OLFM3: variants seen among roughly 807,000 people sequenced by gnomAD.
OLFM3 encodes olfactomedin 3, also known as noelin-3.
OLFM3 carries 20 observed loss-of-function variants against 48.6 expected under a neutral mutation model. The ratio of observed to expected loss-of-function variants is 0.41; its 90% confidence interval spans 0.29 to 0.60. OLFM3 has a LOEUF of 0.60. Ranked by LOEUF, OLFM3 falls within the 20% of genes least tolerant of loss-of-function variation. The pLI is 0.28. For missense variants in OLFM3, 437 were observed against 544.3 expected (o/e 0.80, Z 1.96); for synonymous variants, 222 against 198.1 (o/e 1.12, Z -1.01).
At chr1:101,872,223 G>A (rs367872434) in intron 1 of OLFM3, among the ~76,000 whole-genome samples, 1 of 152,030 alleles carries the variant, frequency 6.6e-6, no homozygotes, top group African/African-American at 2.4e-5. Context: ...TTGGCAACAG[G>A]GAGTTAGCAA....
At chr1:101,902,080 A>G (rs1389191095) in intron 1 of OLFM3, among the ~76,000 whole-genome samples, 2 of 152,000 alleles carry the variant, frequency 1.3e-5, no homozygotes, top group Non-Finnish European at 2.9e-5. Flanking sequence ...TGAAAGGAGG[A>G]AGGGGAAATA....
chr1:101,813,084 C>T (rs1384924427), intron 4 of OLFM3: 6 of 1,286,276 alleles, frequency 4.7e-6, no homozygotes, highest in Non-Finnish European at 5.1e-6. Flanking sequence ...TCCCAAAATA[C>T]TATTGCTTAT....
intron 1 of OLFM3, among the ~76,000 whole-genome samples, chr1:101,844,061 C>A (rs1655865739): frequency 6.6e-6 from 1 of 152,112 alleles, no homozygotes; most frequent in Non-Finnish European, 1.5e-5. Context: ...GTCAACCCTT[C>A]CATCTAAGGG....
intron 1 of OLFM3, among the ~76,000 whole-genome samples, chr1:101,859,648 CCTTT>C (rs1382013466): frequency 6.6e-6 from 1 of 152,044 alleles, no homozygotes. Flanking sequence ...GTGATCATTT[CCTTT>C]GAGTGTCATG....
intron 1 of OLFM3, among the ~76,000 whole-genome samples, chr1:101,989,910 ATAT>A (rs1382717260): frequency 2.6e-5 from 4 of 152,140 alleles, no homozygotes; most frequent in African/African-American, 7.2e-5. Flanking sequence ...TCCCTCCTTA[ATAT>A]TATTTTTGAA....
At chr1:101,813,038 A>T in intron 4 of OLFM3, 1 of 1,234,770 alleles carries the variant, frequency 8.1e-7, no homozygotes, top group Non-Finnish European at 1.0e-6. Flanking sequence ...CTGAGAATAC[A>T]AAGGTGAACA....
chr1:101,866,179 T>C (rs1410881830), intron 1 of OLFM3, among the ~76,000 whole-genome samples: 1 of 152,192 alleles, frequency 6.6e-6, no homozygotes, highest in African/African-American at 2.4e-5. Context: ...AAACACTATG[T>C]TTAGTAATAT....
intron 1 of OLFM3, among the ~76,000 whole-genome samples, chr1:101,863,364 T>C (rs989864167): frequency 6.6e-5 from 10 of 152,266 alleles, no homozygotes; most frequent in Non-Finnish European, 1.0e-4. Context: ...TGCTTTCTGC[T>C]GCACCAGCCA....
intron 1 of OLFM3, among the ~76,000 whole-genome samples, chr1:101,903,583 A>G (rs1658457418): frequency 6.6e-6 from 1 of 152,040 alleles, no homozygotes. Flanking sequence ...GTTGTATGCT[A>G]TATAGTTTTT....
chr1:101,924,177 C>T (rs11164337), intron 1 of OLFM3, among the ~76,000 whole-genome samples: 60,921 of 151,878 alleles, frequency 0.4, 12,858 homozygotes, highest in East Asian at 0.66. Context: ...TCAATTGACA[C>T]GATTCTATCA....
intron 1 of OLFM3, among the ~76,000 whole-genome samples, chr1:101,850,791 T>C (rs1358011705): frequency 6.6e-6 from 1 of 152,178 alleles, no homozygotes; most frequent in African/African-American, 2.4e-5. Flanking sequence ...AGTGTACTCA[T>C]ACTTTATTTT....
intron 1 of OLFM3, among the ~76,000 whole-genome samples, chr1:101,885,444 A>G (rs1427893818): frequency 6.6e-6 from 1 of 152,048 alleles, no homozygotes; most frequent in Non-Finnish European, 1.5e-5. Context: ...GATAAATGAA[A>G]AAGCAAAAGT....
At chr1:101,913,758 A>G (rs142908320) in intron 1 of OLFM3, among the ~76,000 whole-genome samples, 2 of 152,180 alleles carry the variant, frequency 1.3e-5, no homozygotes, top group Non-Finnish European at 2.9e-5. Context: ...TTAAGTGGCA[A>G]TAGTAAGCAA....
intron 1 of OLFM3, among the ~76,000 whole-genome samples, chr1:101,882,216 C>T (rs11811397): frequency 0.023 from 3,387 of 150,412 alleles, 147 homozygotes; most frequent in African/African-American, 0.078. Context: ...TAAGTATTGA[C>T]TATATAACAA....
At chr1:101,886,024 C>G (rs995722662) in intron 1 of OLFM3, among the ~76,000 whole-genome samples, 2 of 152,052 alleles carry the variant, frequency 1.3e-5, no homozygotes, top group African/African-American at 4.8e-5. Flanking sequence ...CAATTAATAT[C>G]TTATAATAAG....
chr1:101,956,621 T>G (rs541282555), intron 1 of OLFM3, among the ~76,000 whole-genome samples: 54 of 152,042 alleles, frequency 3.6e-4, no homozygotes, highest in African/African-American at 1.3e-3. Flanking sequence ...CTTTAAAAAT[T>G]TTGAGTCTGT....
At position 101,833,711 on chromosome 1, in the gene OLFM3, C is replaced by T. The variant is rs1440805844; in HGVS notation, c.217-2884G>A. Among the ~76,000 whole-genome samples, 2 of 152,008 alleles carry T rather than the reference C, an allele frequency of 1.3e-5. 1 individual carries two copies. The highest frequency in any genetic ancestry group is 2.9e-5 in the Non-Finnish European group (2 of 67,998). The stretch of plus-strand genomic sequence containing the variant: ...ACACAAATTAACTTTGATTTTCACT[C>T]TCACTCATAATTAGTGAGGTGGTCA... On this transcript the variant is annotated intron_variant, in intron 2 of 5. Coordinates refer to ENST00000370103, the MANE Select transcript of OLFM3 (RefSeq NM_058170.4).
intron 1 of OLFM3, among the ~76,000 whole-genome samples, chr1:101,964,827 T>C (rs1660565293): frequency 1.3e-5 from 2 of 152,194 alleles, no homozygotes; most frequent in African/African-American, 4.8e-5. Flanking sequence ...AACAAGTTGG[T>C]ACAAACCAAG....
intron 4 of OLFM3, among the ~76,000 whole-genome samples, chr1:101,824,180 G>C (rs1406194694): frequency 4.6e-5 from 7 of 151,916 alleles, no homozygotes; most frequent in East Asian, 1.9e-4. Context: ...TTTATCTTGA[G>C]AGAACACTTT....
Sources: allele counts gnomAD v4.1 joint callset (sites outside exome capture counted in the v4.1 genomes callset), GRCh38; gene constraint gnomAD v4.1.1; transcripts MANE v1.5; gene names NCBI Gene and HGNC (gene_info 2026-07-23, HGNC 2026-07-21).